Variants in ROBO1 observed in about 807,000 individuals in gnomAD.
The protein encoded by ROBO1 is roundabout guidance receptor 1.
A neutral mutation model predicts 195.9 loss-of-function variants in ROBO1; 149 were observed. The ratio of observed to expected loss-of-function variants is 0.76; its 90% CI spans 0.67 to 0.87. The LOEUF is 0.87. ROBO1 is among the 40% of genes least tolerant of loss of function. The pLI is 0.00. For missense variants in ROBO1, 1,933 were observed against 2,068.3 expected (o/e 0.93, Z 1.27); for synonymous variants, 816 against 733.2 (o/e 1.11, Z -1.82).
intron 2 of ROBO1, among the ~76,000 whole-genome samples, chr3:79,148,074 C>G (rs1283386921): frequency 6.6e-6 from 1 of 151,816 alleles, no homozygotes; most frequent in Non-Finnish European, 1.5e-5. Flanking sequence ...TTATCTGCCT[C>G]TGTCATATCC....
In ROBO1 at chr3:78,932,216, C is replaced by T. The variant is rs75716736; in HGVS notation, c.499+6385G>A. On this transcript the variant is annotated intron_variant, in intron 4 of 30. Coordinates refer to ENST00000464233, the MANE Select transcript of ROBO1 (RefSeq NM_002941.4). ...AGGCTTCAGAGATAACCAGATGCAC[C>T]TTCTCATTTTATTAGTTTTTAAAGA... 4.3e-3 allele frequency among the ~76,000 whole-genome samples: 650 copies of T among 152,066 alleles called. 5 individuals carry two copies. The highest frequency in any genetic ancestry group is 0.015 in the African/African-American group (632 of 41,486).
chr3:79,198,251 C>T (rs1475216907), intron 2 of ROBO1, among the ~76,000 whole-genome samples: 5 of 152,082 alleles, frequency 3.3e-5, no homozygotes, highest in African/African-American at 1.2e-4. Context: ...CAGCTTTCTG[C>T]ATATGGCTAG....
chr3:79,365,784 C>G (rs1360783134), intron 2 of ROBO1, among the ~76,000 whole-genome samples: 22 of 151,690 alleles, frequency 1.5e-4, no homozygotes, highest in Admixed American at 1.4e-3. Context: ...GTAGTCCCAG[C>G]TACTCGGGAG....
chr3:79,272,494 T>G (rs2030656518), intron 2 of ROBO1, among the ~76,000 whole-genome samples: 1 of 152,120 alleles, frequency 6.6e-6, no homozygotes, highest in South Asian at 2.1e-4. Context: ...AACATCATAT[T>G]AAGGAAAGAG....
intron 2 of ROBO1, among the ~76,000 whole-genome samples, chr3:79,584,683 ACT>A: frequency 6.7e-6 from 1 of 149,694 alleles, no homozygotes; most frequent in African/African-American, 2.5e-5. Context: ...ACATACACAC[ACT>A]CACATACACA....
chr3:79,662,000 GC>G (rs1946343603), intron 1 of ROBO1, among the ~76,000 whole-genome samples: 1 of 151,848 alleles, frequency 6.6e-6, no homozygotes, highest in African/African-American at 2.4e-5. Context: ...TTTGAACAGT[GC>G]CTCTCAAGTT....
intron 2 of ROBO1, among the ~76,000 whole-genome samples, chr3:79,447,205 G>A (rs2039291431): frequency 6.6e-6 from 1 of 152,110 alleles, no homozygotes; most frequent in Non-Finnish European, 1.5e-5. Context: ...CCTCTAAAAA[G>A]AAAGGCAAGA....
intron 1 of ROBO1, among the ~76,000 whole-genome samples, chr3:79,679,835 A>T (rs956126348): frequency 1.3e-5 from 2 of 151,988 alleles, no homozygotes; most frequent in African/African-American, 4.8e-5. Context: ...TACAGGCTTT[A>T]TGAGAACAAT....
At chr3:78,683,564 T>TA (rs1476781513) in intron 10 of ROBO1, among the ~76,000 whole-genome samples, 1 of 152,012 alleles carries the variant, frequency 6.6e-6, no homozygotes, top group African/African-American at 2.4e-5. Context: ...TGGTAGCTCA[T>TA]ACCTATAATC....
At position 79,025,465 on chromosome 3, in the gene ROBO1, A is replaced by G. The variant is rs142724222; in HGVS notation, c.173-86538T>C. Among the ~76,000 whole-genome samples, 343 of 152,280 alleles carry G rather than the reference A, an allele frequency of 2.3e-3. 3 individuals carry two copies. The highest frequency in any genetic ancestry group is 7.7e-3 in the African/African-American group (318 of 41,558). On this transcript the variant is annotated intron_variant, in intron 3 of 30. Transcript: ENST00000464233. Reference sequence around the variant, plus strand: ...TTATTTTGTTTACTTTTTTAGTCCCAGCATCCAAAACAGTGCCTGGCACTG... The same window carrying G: ...TTATTTTGTTTACTTTTTTAGTCCCGGCATCCAAAACAGTGCCTGGCACTG...
At chr3:79,187,762 A>G (rs2108748640) in intron 2 of ROBO1, among the ~76,000 whole-genome samples, 1 of 152,178 alleles carries the variant, frequency 6.6e-6, no homozygotes, top group South Asian at 2.1e-4. Flanking sequence ...ACAATTAATT[A>G]AAATTTCTTC....
At chr3:79,102,946 A>G (rs758323594) in intron 3 of ROBO1, among the ~76,000 whole-genome samples, 1 of 151,812 alleles carries the variant, frequency 6.6e-6, no homozygotes, top group African/African-American at 2.4e-5. Context: ...GTGGCCTGGG[A>G]TAAAAATGTT....
intron 5 of ROBO1, among the ~76,000 whole-genome samples, chr3:78,730,922 C>A (rs888808830): frequency 6.6e-6 from 1 of 152,068 alleles, no homozygotes; most frequent in African/African-American, 2.4e-5. Context: ...TCTGACCTAG[C>A]GCTTAAAAAG....
At chr3:78,840,571 C>T (rs1438529629) in intron 4 of ROBO1, among the ~76,000 whole-genome samples, 1 of 152,062 alleles carries the variant, frequency 6.6e-6, no homozygotes, top group African/African-American at 2.4e-5. Context: ...AAGCCATGTA[C>T]CTAATAATCG....
intron 2 of ROBO1, among the ~76,000 whole-genome samples, chr3:79,250,617 T>A (rs552470479): frequency 6.6e-6 from 1 of 152,042 alleles, no homozygotes; most frequent in South Asian, 2.1e-4. Context: ...CAGTCTATAC[T>A]GCCATAGCTT....
intron 3 of ROBO1, among the ~76,000 whole-genome samples, chr3:78,992,910 A>G (rs978127222): frequency 6.6e-6 from 1 of 152,180 alleles, no homozygotes; most frequent in African/African-American, 2.4e-5. Context: ...CAGAAGCTGA[A>G]GCAGCAGTAA....
chr3:79,708,860 T>C (rs2107210818), intron 1 of ROBO1, among the ~76,000 whole-genome samples: 1 of 152,186 alleles, frequency 6.6e-6, no homozygotes, highest in Middle Eastern at 3.4e-3. Flanking sequence ...GAGCGAGTCC[T>C]TGTCTCAAAA....
chr3:78,754,972 CGGTGGA>C (rs1249465986), intron 4 of ROBO1, among the ~76,000 whole-genome samples: 1 of 151,970 alleles, frequency 6.6e-6, no homozygotes, highest in Non-Finnish European at 1.5e-5. Context: ...GTAGTGGTAC[CGGTGGA>C]GAGCAAAACA....
intron 1 of ROBO1, among the ~76,000 whole-genome samples, chr3:79,744,028 C>T (rs903126667): frequency 6.6e-6 from 1 of 152,008 alleles, no homozygotes; most frequent in African/African-American, 2.4e-5. Context: ...TACACAAAAC[C>T]AGTAACATAG....
Sources: allele counts gnomAD v4.1 joint callset (sites outside exome capture counted in the v4.1 genomes callset), GRCh38; gene constraint gnomAD v4.1.1; transcripts MANE v1.5; gene names NCBI Gene and HGNC (gene_info 2026-07-23, HGNC 2026-07-21).